IGSF11: variants seen among roughly 807,000 people sequenced by gnomAD.
IGSF11 encodes immunoglobulin superfamily member 11.
A neutral mutation model predicts 41.0 loss-of-function variants in IGSF11; 22 were observed. The observed-to-expected ratio is 0.54, with a 90% CI of 0.38 to 0.77. The LOEUF (loss-of-function observed/expected upper bound fraction) is 0.77. Among genes scored for constraint, IGSF11 ranks in the 30% least tolerant of loss-of-function variants. The pLI, the probability that IGSF11 is intolerant of heterozygous loss-of-function variation, is 0.00. For missense variants in IGSF11, 444 were observed against 530.8 expected (o/e 0.84, Z 1.61); for synonymous variants, 219 against 201.3 (o/e 1.09, Z -0.74).
chr3:119,072,093 A>T (rs1479741324), intron 1 of IGSF11, among the ~76,000 whole-genome samples: 1 of 152,244 alleles, frequency 6.6e-6, no homozygotes, highest in Non-Finnish European at 1.5e-5. Flanking sequence ...AAAAACTTTC[A>T]AATTTCCATA....
At chr3:118,967,171 C>A (rs935320902) in intron 1 of IGSF11, among the ~76,000 whole-genome samples, 2 of 151,698 alleles carry the variant, frequency 1.3e-5, no homozygotes, top group Non-Finnish European at 2.9e-5. Context: ...CCAAAAAAAA[C>A]CAAAAGACTA....
At chr3:118,921,274 C>G (rs1941759919) in intron 4 of IGSF11, among the ~76,000 whole-genome samples, 1 of 152,154 alleles carries the variant, frequency 6.6e-6, no homozygotes, top group Admixed American at 6.6e-5. Flanking sequence ...AATGTATCTT[C>G]AGCACCTAGA....
intron 1 of IGSF11, among the ~76,000 whole-genome samples, chr3:119,113,704 G>T (rs1195704581): frequency 3.9e-5 from 6 of 152,220 alleles, no homozygotes; most frequent in African/African-American, 9.6e-5. Flanking sequence ...GGAGGATGGT[G>T]ACCCTCTTCT....
intron 1 of IGSF11, among the ~76,000 whole-genome samples, chr3:119,141,826 C>T (rs943400303): frequency 3.3e-5 from 5 of 151,882 alleles, no homozygotes; most frequent in East Asian, 1.9e-4. Context: ...ACTCTCAGGA[C>T]GGAAAAGTGG....
intron 1 of IGSF11, among the ~76,000 whole-genome samples, chr3:119,020,556 A>G (rs1939188625): frequency 6.6e-6 from 1 of 152,378 alleles, no homozygotes; most frequent in Non-Finnish European, 1.5e-5. Flanking sequence ...TGTCTTTTAG[A>G]GCAAATCATG....
intron 1 of IGSF11, among the ~76,000 whole-genome samples, chr3:119,082,627 A>T (rs1195503945): frequency 6.6e-6 from 1 of 152,228 alleles, no homozygotes; most frequent in Non-Finnish European, 1.5e-5. Context: ...TTTAAATTTC[A>T]TAAAGTTCAA....
chr3:119,001,084 C>G lies in IGSF11; in HGVS notation c.52+33447G>C, dbSNP rs149325993. Among the ~76,000 whole-genome samples, 818 of 152,186 alleles carry G rather than the reference C, an allele frequency of 5.4e-3. 8 individuals are homozygous for G. Among genetic ancestry groups the G allele is most frequent in the African/African-American group, 0.018 (760 of 41,538 alleles). ...CTCAGGACCTTTGTACTGGCTGTCTCTCTGTCTGAAATGTCCTTCCCCTAG... is the reference window on the plus strand; with the variant it reads ...CTCAGGACCTTTGTACTGGCTGTCTGTCTGTCTGAAATGTCCTTCCCCTAG... On this transcript the variant is annotated intron_variant, in intron 1 of 6. Transcript: ENST00000393775.
intron 1 of IGSF11, among the ~76,000 whole-genome samples, chr3:118,986,731 T>C (rs944736339): frequency 2.0e-5 from 3 of 152,194 alleles, no homozygotes; most frequent in African/African-American, 7.2e-5. Flanking sequence ...GATGGGTTCA[T>C]ATTGAAATAT....
intron 1 of IGSF11, among the ~76,000 whole-genome samples, chr3:119,022,600 G>A (rs922572563): frequency 2.6e-5 from 4 of 152,134 alleles, no homozygotes; most frequent in Admixed American, 1.3e-4. Context: ...CTAAATGCTA[G>A]TAAAAAGGGG....
chr3:119,039,744 T>C (rs1233661710), upstream of IGSF11, among the ~76,000 whole-genome samples: 3 of 152,130 alleles, frequency 2.0e-5, no homozygotes, highest in African/African-American at 4.8e-5. Context: ...TCAGGACCAC[T>C]AAAATTGTTC....
chr3:118,949,291 A>T (rs1363849930), intron 1 of IGSF11: 1 of 145,794 alleles, frequency 6.9e-6, no homozygotes, highest in African/African-American at 2.5e-5. Flanking sequence ...TACTCATGCC[A>T]TTGTCTCACT....
At chr3:119,047,352 C>T (rs1941403196) in intron 1 of IGSF11, among the ~76,000 whole-genome samples, 1 of 152,152 alleles carries the variant, frequency 6.6e-6, no homozygotes, top group Non-Finnish European at 1.5e-5. Context: ...CAATCCTACT[C>T]TCTGATAAAA....
intron 1 of IGSF11, among the ~76,000 whole-genome samples, chr3:119,143,415 A>T (rs2077675903): frequency 6.6e-6 from 1 of 152,164 alleles, no homozygotes; most frequent in Non-Finnish European, 1.5e-5. Context: ...GGTTGTTATA[A>T]GTTTAGGAGG....
chr3:118,904,950 T>C (rs1939393509), intron 5 of IGSF11, 152 bp from the exon 6 acceptor site: 1 of 605,726 alleles, frequency 1.7e-6, no homozygotes, highest in Non-Finnish European at 2.7e-6. Context: ...AAGTTAAACC[T>C]CAATTAACTT....
chr3:119,115,799 C>T (rs915786012), intron 1 of IGSF11, among the ~76,000 whole-genome samples: 1 of 152,122 alleles, frequency 6.6e-6, no homozygotes, highest in African/African-American at 2.4e-5. Flanking sequence ...AATAAATGTA[C>T]AATCTATATA....
intron 1 of IGSF11, among the ~76,000 whole-genome samples, chr3:119,145,498 C>G (rs552188602): frequency 1.3e-5 from 2 of 152,204 alleles, no homozygotes; most frequent in African/African-American, 4.8e-5. Flanking sequence ...TCCTTACTCC[C>G]TTCCTTTCTG....
intron 4 of IGSF11, among the ~76,000 whole-genome samples, chr3:118,912,891 C>T (rs545437558): frequency 1.3e-5 from 2 of 151,954 alleles, no homozygotes; most frequent in Non-Finnish European, 2.9e-5. Flanking sequence ...CCCAGCTACT[C>T]GGGAGGCTGA....
chr3:118,959,039 T>TA (rs1350753803), intron 1 of IGSF11, among the ~76,000 whole-genome samples: 1 of 152,174 alleles, frequency 6.6e-6, no homozygotes, highest in Non-Finnish European at 1.5e-5. Context: ...ACCTACAAAA[T>TA]ACGTGTAGGG....
intron 1 of IGSF11, among the ~76,000 whole-genome samples, chr3:119,029,140 C>T (rs1166657619): frequency 6.7e-6 from 1 of 148,156 alleles, no homozygotes. Context: ...TAGTGCCCAG[C>T]ATGGTAGACA....
Sources: allele counts gnomAD v4.1 joint callset (sites outside exome capture counted in the v4.1 genomes callset), GRCh38; gene constraint gnomAD v4.1.1; transcripts MANE v1.5; gene names NCBI Gene and HGNC (gene_info 2026-07-23, HGNC 2026-07-21).